The following SGK3 variants were observed in gnomAD, a reference collection of about 807,000 sequenced individuals.
SGK3 encodes the protein serum/glucocorticoid regulated kinase family member 3, also known as serine/threonine-protein kinase Sgk3.
A neutral mutation model predicts 68.5 loss-of-function variants in SGK3; 47 were observed. The ratio of observed to expected loss-of-function variants is 0.69; its 90% CI spans 0.54 to 0.87. The LOEUF (loss-of-function observed/expected upper bound fraction) is 0.87, where lower values mean the gene tolerates loss of function less well. SGK3 is among the 40% of genes least tolerant of loss of function. The pLI is 0.00. For synonymous variants in SGK3, 181 were observed against 189.1 expected (o/e 0.96, Z 0.35); for missense variants, 479 against 575.5 (o/e 0.83, Z 1.72).
chr8:66,813,769 C>T (rs925833455), intron 4 of SGK3, 84 bp from the exon 5 acceptor site: 2 of 1,206,516 alleles, frequency 1.7e-6, no homozygotes, highest in Admixed American at 6.1e-5. Context: ...AATTCACTAT[C>T]TTGTGCTTGT....
intron 1 of SGK3, among the ~76,000 whole-genome samples, chr8:66,760,472 C>T (rs1161564356): frequency 6.6e-6 from 1 of 151,392 alleles, no homozygotes; most frequent in Non-Finnish European, 1.5e-5. Flanking sequence ...GTAGCTGGGA[C>T]TACAGGTGCC....
intron 1 of SGK3, chr8:66,775,552 G>GGCACTCATTCACT (rs1806671360): frequency 1.3e-5 from 2 of 152,260 alleles, no homozygotes; most frequent in South Asian, 4.1e-4. Flanking sequence ...GCGACTTCGC[G>GGCACTCATTCACT]GCACTCATTC....
chr8:66,732,755 G>T (rs1311302590), intron 1 of SGK3, among the ~76,000 whole-genome samples: 1 of 152,126 alleles, frequency 6.6e-6, no homozygotes, highest in Non-Finnish European at 1.5e-5. Flanking sequence ...TGAGGCAGGA[G>T]AATTGCTTGA....
chr8:66,777,595 T>G (rs967493801), intron 1 of SGK3, among the ~76,000 whole-genome samples: 11 of 152,198 alleles, frequency 7.2e-5, no homozygotes, highest in Non-Finnish European at 1.5e-4. Context: ...ATCTGTCATT[T>G]TTGTTGCAAA....
At chr8:66,727,176 A>C (rs1000861808) in intron 1 of SGK3, among the ~76,000 whole-genome samples, 1 of 152,052 alleles carries the variant, frequency 6.6e-6, no homozygotes, top group Non-Finnish European at 1.5e-5. Context: ...ATCTCAGCTC[A>C]CTGCAGCCTC....
intron 1 of SGK3, among the ~76,000 whole-genome samples, chr8:66,730,938 C>T (rs1805132667): frequency 6.6e-6 from 1 of 152,106 alleles, no homozygotes; most frequent in Non-Finnish European, 1.5e-5. Flanking sequence ...CTGCCCGCCC[C>T]AGTCTCCCAA....
In SGK3 at chr8:66,839,999, A is replaced by C. The variant is rs368769015; in HGVS notation, c.742-4A>C. On this transcript the variant is annotated splice_region_variant and splice_polypyrimidine_tract_variant and intron_variant, in intron 10 of 16. Transcript: ENST00000521198. ...TCCCCCCACCCCCACAACCAATTTG[A>C]CAGCTTTTTTTCCACTTACAAAGAG... The C allele has an allele frequency of 6.2e-7, 1 of 1,612,172 alleles. No individual in the cohort carries two copies. Among genetic ancestry groups the C allele is most frequent in the African/African-American group, 1.3e-5 (1 of 74,758 alleles).
chr8:66,751,737 A>AT (rs1397106414), intron 1 of SGK3, among the ~76,000 whole-genome samples: 6 of 147,178 alleles, frequency 4.1e-5, no homozygotes, highest in East Asian at 2.0e-4. Context: ...ATTAAAAATC[A>AT]TTCATTTTAT....
At chr8:66,767,727 C>A in intron 1 of SGK3, 1 of 1,522,850 alleles carries the variant, frequency 6.6e-7, no homozygotes, top group South Asian at 1.1e-5. Context: ...TCTTCTCAGT[C>A]ATCTTTTTGG....
rs182502154 is a variant in SGK3 at position 66,796,458 on chromosome 8, C to A, written c.97-2084C>A. 1.0e-4 allele frequency among the ~76,000 whole-genome samples: 15 copies of A among 150,256 alleles called. No homozygotes were observed. In the East Asian group the frequency reaches 2.8e-3, roughly 28 times the overall value. ...GGGATTATAGGCATGAGCCACCACACCCAGCCTGAATTTAAATTTAATAGA... is the reference window on the plus strand; with the variant it reads ...GGGATTATAGGCATGAGCCACCACAACCAGCCTGAATTTAAATTTAATAGA... On this transcript the variant is annotated intron_variant, in intron 2 of 16. Coordinates refer to ENST00000521198, the MANE Select transcript of SGK3 (RefSeq NM_001033578.3).
intron 1 of SGK3, among the ~76,000 whole-genome samples, chr8:66,733,535 T>C (rs935884772): frequency 5.9e-5 from 9 of 152,194 alleles, no homozygotes; most frequent in African/African-American, 2.2e-4. Flanking sequence ...AAAGTAGCCA[T>C]TTGATAAATA....
chr8:66,730,982 T>C (rs975813070), intron 1 of SGK3, among the ~76,000 whole-genome samples: 6 of 152,196 alleles, frequency 3.9e-5, no homozygotes, highest in African/African-American at 9.6e-5. Flanking sequence ...CCACCACACC[T>C]GGCCAAAAGT....
chr8:66,811,441 A>G (rs1290698018), intron 4 of SGK3, among the ~76,000 whole-genome samples: 1 of 152,246 alleles, frequency 6.6e-6, no homozygotes, highest in African/African-American at 2.4e-5. Flanking sequence ...TAGGCCTTAT[A>G]TAAATTCTTG....
rs149985419 is a variant in SGK3, at chr8:66,729,735, T to TTATATTTATTTATTTATTTATTTA, written c.-122+16903_-122+16904insATATTTATTTATTTATTTATTTAT. Among the ~76,000 whole-genome samples the TTATATTTATTTATTTATTTATTTA allele has an allele frequency of 4.2e-4, 63 of 151,006 alleles. 1 individual carries two copies. The highest frequency in any genetic ancestry group is 1.5e-3 in the African/African-American group (62 of 40,876). On this transcript the variant is annotated intron_variant, in intron 1 of 16. Transcript: ENST00000521198. ...AGAATGCCTACATTTATTTATTTAT[T>TTATATTTATTTATTTATTTATTTA]TTTATTTATTTATTTATTTATTTAT...
chr8:66,757,989 G>GTA (rs1204811354), intron 1 of SGK3, among the ~76,000 whole-genome samples: 4 of 128,486 alleles, frequency 3.1e-5, no homozygotes, highest in Admixed American at 2.3e-4. Flanking sequence ...CACACTATAT[G>GTA]TATATATATA....
chr8:66,754,467 G>A (rs1473600227), intron 1 of SGK3, among the ~76,000 whole-genome samples: 2 of 152,164 alleles, frequency 1.3e-5, no homozygotes, highest in Non-Finnish European at 2.9e-5. Context: ...GGGACAGGTT[G>A]AGTATCTTTT....
chr8:66,738,361 T>G (rs1359371705), intron 1 of SGK3, among the ~76,000 whole-genome samples: 1 of 152,180 alleles, frequency 6.6e-6, no homozygotes, highest in Non-Finnish European at 1.5e-5. Flanking sequence ...TCCATATTGC[T>G]TTAAAAGTGC....
At chr8:66,785,676 A>G (rs748013005) in intron 1 of SGK3, among the ~76,000 whole-genome samples, 17 of 152,158 alleles carry the variant, frequency 1.1e-4, no homozygotes, top group Admixed American at 2.0e-4. Flanking sequence ...TAGCTGTTAT[A>G]TTACCCTTGC....
chr8:66,784,982 C>T (rs1807141744), intron 1 of SGK3, among the ~76,000 whole-genome samples: 1 of 152,214 alleles, frequency 6.6e-6, no homozygotes, highest in Non-Finnish European at 1.5e-5. Context: ...GGGGCCAACA[C>T]TCAGAGCCTG....
Sources: gnomAD v4.1 joint callset for allele counts (sites outside exome capture counted in the v4.1 genomes callset) on GRCh38, gnomAD v4.1.1 for gene constraint, MANE v1.5 for transcripts, NCBI Gene and HGNC (gene_info 2026-07-23, HGNC 2026-07-21) for gene names.